Variants in INPP4B observed in about 807,000 individuals in gnomAD.
INPP4B encodes the protein inositol polyphosphate-4-phosphatase type II B, also known as inositol polyphosphate 4-phosphatase type II.
In INPP4B, 55 loss-of-function variants were observed where a neutral mutation model predicts 122.5. The observed-to-expected ratio is 0.45, with a 90% CI of 0.36 to 0.56. The LOEUF (loss-of-function observed/expected upper bound fraction) is 0.56, where lower values mean the gene tolerates loss of function less well. Ranked by LOEUF, INPP4B falls within the 20% of genes least tolerant of loss-of-function variation. The pLI is 0.00. For missense variants in INPP4B, 1,000 were observed against 1,097.7 expected, an observed-to-expected ratio of 0.91 and a Z score of 1.26; for synonymous variants, 403 against 388.7, an observed-to-expected ratio of 1.04 and a Z score of -0.43.
At position 142,494,751 on chromosome 4, in the gene INPP4B, A is replaced by T. The variant is rs189036634; in HGVS notation, c.-190-32025T>A. Among the ~76,000 whole-genome samples the T allele has an allele frequency of 1.8e-3, 272 of 152,276 alleles. 2 individuals are homozygous for T. The highest frequency in any genetic ancestry group is 6.2e-3 in the African/African-American group (258 of 41,562). On this transcript the variant is annotated intron_variant, in intron 2 of 25. Transcript: ENST00000262992. ...AATATTTTTTCTTCATCTTTTAAAAATTTTATTGTTAGTCCCACAAAAATC... is the reference window on the plus strand; with the variant it reads ...AATATTTTTTCTTCATCTTTTAAAATTTTTATTGTTAGTCCCACAAAAATC...
intron 2 of INPP4B, among the ~76,000 whole-genome samples, chr4:142,464,458 T>C (rs565196799): frequency 2.2e-4 from 33 of 152,246 alleles, no homozygotes; most frequent in African/African-American, 7.7e-4. Flanking sequence ...CATCATTCTG[T>C]ATTGTTTACA....
chr4:142,633,733 T>C (rs2150436759), intron 2 of INPP4B, among the ~76,000 whole-genome samples: 1 of 151,880 alleles, frequency 6.6e-6, no homozygotes, highest in South Asian at 2.1e-4. Context: ...AGAAAACACA[T>C]TAGAGAATAT....
At chr4:142,396,277 C>G (rs538461025) in intron 7 of INPP4B, among the ~76,000 whole-genome samples, 4 of 152,080 alleles carry the variant, frequency 2.6e-5, no homozygotes, top group South Asian at 4.2e-4. Context: ...GAAAAAGAAC[C>G]CTTTTTTTAA....
chr4:142,836,924 G>A (rs1188512564), intron 1 of INPP4B, among the ~76,000 whole-genome samples: 1 of 152,110 alleles, frequency 6.6e-6, no homozygotes, highest in Non-Finnish European at 1.5e-5. Context: ...CCAGCACTTT[G>A]GGAGGCCGAG....
At chr4:142,808,798 TTATAG>T (rs910094236) in intron 1 of INPP4B, among the ~76,000 whole-genome samples, 26 of 152,164 alleles carry the variant, frequency 1.7e-4, no homozygotes, top group Non-Finnish European at 7.4e-5. Flanking sequence ...TCACTACTTA[TTATAG>T]TAAAGATTTT....
chr4:142,796,543 A>T (rs1331683840), intron 1 of INPP4B, among the ~76,000 whole-genome samples: 1 of 151,956 alleles, frequency 6.6e-6, no homozygotes, highest in Non-Finnish European at 1.5e-5. Flanking sequence ...GAGGTAAAAA[A>T]GTCTGTCTGC....
At chr4:142,773,984 A>C (rs1192935054) in intron 1 of INPP4B, among the ~76,000 whole-genome samples, 1 of 152,122 alleles carries the variant, frequency 6.6e-6, no homozygotes, top group Non-Finnish European at 1.5e-5. Context: ...GATAACATCC[A>C]ATATTAAAAC....
intron 2 of INPP4B, among the ~76,000 whole-genome samples, chr4:142,561,345 A>C (rs1730426979): frequency 6.6e-6 from 1 of 152,222 alleles, no homozygotes; most frequent in Non-Finnish European, 1.5e-5. Flanking sequence ...TTGTCTAGAT[A>C]TGCATTTTAT....
intron 5 of INPP4B, among the ~76,000 whole-genome samples, chr4:142,421,662 G>A (rs749887533): frequency 2.6e-5 from 4 of 152,096 alleles, no homozygotes; most frequent in Non-Finnish European, 4.4e-5. Flanking sequence ...CTTGGAAAAT[G>A]AGCTCTAGGA....
intron 25 of INPP4B, among the ~76,000 whole-genome samples, chr4:142,067,924 A>G (rs1329695723): frequency 6.6e-6 from 1 of 152,238 alleles, no homozygotes; most frequent in East Asian, 1.9e-4. Flanking sequence ...ATTATCCAGG[A>G]GAACTTCCCC....
chr4:142,747,417 T>C (rs1457719594), intron 1 of INPP4B, among the ~76,000 whole-genome samples: 2 of 152,130 alleles, frequency 1.3e-5, no homozygotes, highest in African/African-American at 2.4e-5. Flanking sequence ...TTTTACGCTG[T>C]TGGTGGGAGT....
chr4:142,486,843 G>A (rs1821260832), intron 2 of INPP4B, among the ~76,000 whole-genome samples: 1 of 152,114 alleles, frequency 6.6e-6, no homozygotes, highest in Non-Finnish European at 1.5e-5. Context: ...TTATTGCTAA[G>A]AATTTCCTCA....
rs543145654 is a variant in INPP4B at position 142,115,998 on chromosome 4, C to A, written c.2136-3316G>T. Among the ~76,000 whole-genome samples, 182 of 152,052 alleles carry A rather than the reference C, an allele frequency of 1.2e-3. 1 individual carries two copies. The highest frequency in any genetic ancestry group is 2.0e-3 in the Non-Finnish European group (135 of 67,960). On this transcript the variant is annotated intron_variant, in intron 21 of 25. Transcript: ENST00000262992. ...CAAGCAAATGGAAAACAAAAAAAGGCAGGGGTTGCAATCCTAGTCTCTGAT... is the reference window on the plus strand; with the variant it reads ...CAAGCAAATGGAAAACAAAAAAAGGAAGGGGTTGCAATCCTAGTCTCTGAT...
At chr4:142,172,832 G>T (rs1826247128) in intron 16 of INPP4B, among the ~76,000 whole-genome samples, 1 of 151,854 alleles carries the variant, frequency 6.6e-6, no homozygotes, top group East Asian at 1.9e-4. Context: ...TTCTCCAACG[G>T]CATATTTACT....
At chr4:142,436,477 G>A (rs1481059518) in intron 3 of INPP4B, among the ~76,000 whole-genome samples, 1 of 152,170 alleles carries the variant, frequency 6.6e-6, no homozygotes, top group African/African-American at 2.4e-5. Context: ...AGGGTCATCA[G>A]ACACCCTATA....
At chr4:142,130,468 C>T (rs902331171) in intron 18 of INPP4B, among the ~76,000 whole-genome samples, 3 of 151,744 alleles carry the variant, frequency 2.0e-5, no homozygotes, top group Non-Finnish European at 2.9e-5. Context: ...GAATGGAGGT[C>T]GATAGGGGTG....
intron 3 of INPP4B, among the ~76,000 whole-genome samples, chr4:142,438,332 T>C (rs981513757): frequency 1.3e-5 from 2 of 152,176 alleles, no homozygotes; most frequent in African/African-American, 4.8e-5. Flanking sequence ...CAAAACAGCA[T>C]GGTACTGTTA....
intron 3 of INPP4B, among the ~76,000 whole-genome samples, chr4:142,432,170 T>TA (rs1237356891): frequency 5.3e-5 from 8 of 152,112 alleles, no homozygotes; most frequent in Non-Finnish European, 2.9e-5. Context: ...ATAAATTTTT[T>TA]AAAAAATCAA....
At chr4:142,393,032 G>A (rs537114807) in intron 7 of INPP4B, among the ~76,000 whole-genome samples, 3 of 152,084 alleles carry the variant, frequency 2.0e-5, no homozygotes, top group Non-Finnish European at 4.4e-5. Context: ...TATTTTAAAT[G>A]TTTATATGTA....
Sources: gnomAD v4.1 joint callset for allele counts (sites outside exome capture counted in the v4.1 genomes callset) on GRCh38, gnomAD v4.1.1 for gene constraint, MANE v1.5 for transcripts, NCBI Gene and HGNC (gene_info 2026-07-23, HGNC 2026-07-21) for gene names.